The following PRMT8 variants were observed in gnomAD, a reference collection of about 807,000 sequenced individuals.
PRMT8 encodes protein arginine N-methyltransferase 8.
Under a neutral mutation model 47.1 loss-of-function variants are expected in PRMT8, and 7 were observed. The observed-to-expected ratio is 0.15, with a 90% CI of 0.08 to 0.28. The LOEUF (loss-of-function observed/expected upper bound fraction) is 0.28, where lower values mean the gene tolerates loss of function less well. Among genes scored for constraint, PRMT8 ranks in the 10% least tolerant of loss-of-function variants. The probability of loss-of-function intolerance (pLI) is 1.00; values close to 1 mark genes in which losing one functional copy is unlikely to be tolerated. For missense variants in PRMT8, 237 were observed against 505.4 expected (o/e 0.47, Z 5.09); for synonymous variants, 188 against 186.5 (o/e 1.01, Z -0.07).
intron 1 of PRMT8, among the ~76,000 whole-genome samples, chr12:3,526,707 TC>T (rs2137148163): frequency 6.6e-6 from 1 of 152,340 alleles, no homozygotes; most frequent in South Asian, 2.1e-4. Flanking sequence ...AATTGTTATG[TC>T]CTCTTGATTG....
At chr12:3,428,643 CTT>C (rs146650582) in intron 1 of PRMT8, among the ~76,000 whole-genome samples, 1 of 149,022 alleles carries the variant, frequency 6.7e-6, no homozygotes, top group African/African-American at 2.5e-5. Context: ...ATAGGGTACA[CTT>C]TTTTTTTTTC....
chr12:3,572,721 T>C lies in PRMT8; in HGVS notation c.712+3157T>C, dbSNP rs1054460793. On this transcript the variant is annotated intron_variant, in intron 6 of 9. Coordinates refer to ENST00000382622, the MANE Select transcript of PRMT8 (RefSeq NM_019854.5). The surrounding 1 kb of genome is among the most constrained non-coding windows in gnomAD (Gnocchi z 5.9). ...ACTTTCCCTTCTGCACAGAGGAGAATCTGTAAGTAGCATCTGGTGGCACTT... is the reference window on the plus strand; with the variant it reads ...ACTTTCCCTTCTGCACAGAGGAGAACCTGTAAGTAGCATCTGGTGGCACTT... Among the ~76,000 whole-genome samples the C allele has an allele frequency of 6.6e-6, 1 of 152,192 alleles. No homozygotes were observed. Among genetic ancestry groups the C allele is most frequent in the Non-Finnish European group, 1.5e-5 (1 of 68,036 alleles).
At chr12:3,439,020 G>A (rs1398610220) in intron 1 of PRMT8, among the ~76,000 whole-genome samples, 1 of 152,122 alleles carries the variant, frequency 6.6e-6, no homozygotes, top group Non-Finnish European at 1.5e-5. Flanking sequence ...TTTTCACATA[G>A]ATTTGCAAGA....
chr12:3,401,260 T>C (rs946232525), intron 1 of PRMT8, among the ~76,000 whole-genome samples: 4 of 152,022 alleles, frequency 2.6e-5, no homozygotes, highest in African/African-American at 9.7e-5. Flanking sequence ...AAAAGTCCTT[T>C]GATAAAATTC....
In PRMT8 at chr12:3,563,797, C is replaced by CA. The variant is rs778884172; in HGVS notation, c.482-4908dup. On this transcript the variant is annotated intron_variant, in intron 4 of 9. Transcript: ENST00000382622. ...AGGCAAAAATAATAATAAAACCAAG[C>CA]ACACAAGTTCCTAGGAGGATTACTG... is the stretch of plus-strand genomic sequence containing the variant. Among the ~76,000 whole-genome samples the CA allele has an allele frequency of 8.5e-5, 13 of 152,272 alleles. 1 individual carries two copies. The highest frequency in any genetic ancestry group is 3.3e-4 in the Admixed American group (5 of 15,300).
At chr12:3,462,312 T>A (rs1052811043) in intron 1 of PRMT8, among the ~76,000 whole-genome samples, 4 of 151,874 alleles carry the variant, frequency 2.6e-5, no homozygotes, top group Non-Finnish European at 4.4e-5. Flanking sequence ...CAATGACAAA[T>A]GGGATAAAGA....
At chr12:3,547,203 G>A (rs1591596074) in intron 2 of PRMT8, among the ~76,000 whole-genome samples, 2 of 152,138 alleles carry the variant, frequency 1.3e-5, no homozygotes, top group Non-Finnish European at 2.9e-5. Context: ...TCTGTCCTCT[G>A]TAATTCTATT....
intron 8 of PRMT8, among the ~76,000 whole-genome samples, chr12:3,590,632 T>TAAAAAAAAAAAAAA (rs34781623): frequency 7.6e-6 from 1 of 130,872 alleles, no homozygotes; most frequent in Non-Finnish European, 1.6e-5. Context: ...TCCTTAGTCC[T>TAAAAAAAAAAAAAA]AAAAAAAAAA....
intron 1 of PRMT8, among the ~76,000 whole-genome samples, chr12:3,457,466 A>C (rs566841553): frequency 1.3e-5 from 2 of 152,098 alleles, no homozygotes; most frequent in African/African-American, 4.8e-5. Flanking sequence ...ATGCGCCACC[A>C]CATCCAGCTA....
intron 1 of PRMT8, among the ~76,000 whole-genome samples, chr12:3,471,687 G>A (rs923449182): frequency 2.0e-4 from 31 of 151,844 alleles, no homozygotes; most frequent in Middle Eastern, 3.4e-3. Flanking sequence ...CACACGAGCA[G>A]CTGCCTTTTC....
At chr12:3,470,203 G>A (rs114595296) in intron 1 of PRMT8, among the ~76,000 whole-genome samples, 2,816 of 152,336 alleles carry the variant, frequency 0.018, 92 homozygotes, top group African/African-American at 0.065. Flanking sequence ...CTCTGTGTGT[G>A]TGGAGAGGCA....
At chr12:3,389,074 T>A (rs1196063640) in intron 1 of PRMT8, among the ~76,000 whole-genome samples, 1 of 152,150 alleles carries the variant, frequency 6.6e-6, no homozygotes, top group Non-Finnish European at 1.5e-5. Flanking sequence ...AATCATCCAT[T>A]CCAGTGTGAG....
At chr12:3,437,398 A>G (rs965562321) in intron 1 of PRMT8, among the ~76,000 whole-genome samples, 4 of 151,788 alleles carry the variant, frequency 2.6e-5, no homozygotes, top group Non-Finnish European at 5.9e-5. Flanking sequence ...TCAGGGGTAC[A>G]TGTGCAGGTT....
chr12:3,484,505 C>T (rs865938639), intron 1 of PRMT8, among the ~76,000 whole-genome samples: 3 of 152,208 alleles, frequency 2.0e-5, no homozygotes, highest in Admixed American at 6.5e-5. Context: ...TCTTTTAGGA[C>T]GAGCTGAAGA....
intron 1 of PRMT8, among the ~76,000 whole-genome samples, chr12:3,464,643 C>A (rs1865073688): frequency 6.6e-6 from 1 of 152,162 alleles, no homozygotes; most frequent in Non-Finnish European, 1.5e-5. Context: ...AAGACCCATA[C>A]CCCGGTATCT....
intron 1 of PRMT8, among the ~76,000 whole-genome samples, chr12:3,397,920 G>GT (rs200903366): frequency 0.019 from 2,949 of 152,282 alleles, 87 homozygotes; most frequent in African/African-American, 0.062. Flanking sequence ...CTGGTGTGCC[G>GT]TTTTTTAAGC....
chr12:3,513,231 C>A (rs61907691), intron 1 of PRMT8, among the ~76,000 whole-genome samples: 3 of 152,046 alleles, frequency 2.0e-5, no homozygotes, highest in Non-Finnish European at 4.4e-5. Context: ...AATCCCCCAT[C>A]ATCACCCAGT....
At chr12:3,398,234 G>A (rs1484508352) in intron 1 of PRMT8, among the ~76,000 whole-genome samples, 3 of 152,094 alleles carry the variant, frequency 2.0e-5, no homozygotes, top group East Asian at 3.9e-4. Context: ...CTCCTCCCTC[G>A]AAATTTGGAT....
chr12:3,478,120 T>C (rs1018263318), intron 1 of PRMT8, among the ~76,000 whole-genome samples: 7 of 152,090 alleles, frequency 4.6e-5, no homozygotes, highest in African/African-American at 1.7e-4. Context: ...TTAATCGGAC[T>C]TTGAGGACAG....
Sources: allele counts gnomAD v4.1 joint callset (sites outside exome capture counted in the v4.1 genomes callset), GRCh38; gene constraint gnomAD v4.1.1; non-coding constraint Gnocchi (gnomAD v3.1); transcripts MANE v1.5; gene names NCBI Gene and HGNC (gene_info 2026-07-23, HGNC 2026-07-21).